SNAP25: variants seen among roughly 807,000 people sequenced by gnomAD.
SNAP25 encodes synaptosome associated protein 25.
Under a neutral mutation model 28.7 loss-of-function variants are expected in SNAP25, and 3 were observed. The observed-to-expected ratio is 0.10, with a 90% CI of 0.05 to 0.27. The LOEUF (loss-of-function observed/expected upper bound fraction) is 0.27, where lower values mean the gene tolerates loss of function less well. Ranked by LOEUF, SNAP25 falls within the 10% of genes least tolerant of loss-of-function variation. SNAP25 has a pLI of 1.00. For missense variants in SNAP25, 117 were observed against 278.7 expected, an observed-to-expected ratio of 0.42 and a Z score of 4.13; for synonymous variants, 61 against 88.1, an observed-to-expected ratio of 0.69 and a Z score of 1.72.
At chr20:10,242,288 G>T (rs2063048748) in intron 1 of SNAP25, among the ~76,000 whole-genome samples, 1 of 152,218 alleles carries the variant, frequency 6.6e-6, no homozygotes, top group African/African-American at 2.4e-5. Flanking sequence ...TCCCAGAGGA[G>T]CCCTGGAGTG....
intron 1 of SNAP25, among the ~76,000 whole-genome samples, chr20:10,238,738 C>T (rs1395426313): frequency 6.6e-6 from 1 of 151,978 alleles, no homozygotes; most frequent in Non-Finnish European, 1.5e-5. Context: ...AGTGAAACTC[C>T]GTCTCTACTA....
intron 6 of SNAP25, among the ~76,000 whole-genome samples, 156 bp downstream of exon 6, chr20:10,297,206 G>A (rs1479151310): frequency 2.6e-5 from 4 of 152,132 alleles, no homozygotes; most frequent in Admixed American, 6.5e-5. Flanking sequence ...ACCTTGCCTG[G>A]GTGGGGTGAT....
At position 10,285,188 on chromosome 20, in the gene SNAP25, C is replaced by T. The variant is rs562634865; in HGVS notation, c.163+416C>T. Among the ~76,000 whole-genome samples the T allele has an allele frequency of 4.6e-5, 7 of 152,218 alleles. No individual in the cohort carries two copies. The East Asian group carries it at 7.7e-4, about 17-fold the overall frequency. On this transcript the variant is annotated intron_variant, in intron 4 of 7. Coordinates refer to ENST00000254976, the MANE Select transcript of SNAP25 (RefSeq NM_130811.4). The stretch of plus-strand genomic sequence containing the variant: ...ATATCATGTTGTCTACTTCTTTTGA[C>T]CATCCCAACTCAGTATCTAGTAGTT...
At chr20:10,299,446 G>C (rs1251708345) in intron 7 of SNAP25, 34 bp downstream of exon 7, 5 of 1,600,978 alleles carry the variant, frequency 3.1e-6, no homozygotes, top group Non-Finnish European at 3.4e-6. Context: ...TCCCTACTGC[G>C]AGTCACTTCT....
At chr20:10,222,121 A>G (rs1309571099) in intron 1 of SNAP25, among the ~76,000 whole-genome samples, 1 of 152,284 alleles carries the variant, frequency 6.6e-6, no homozygotes, top group Non-Finnish European at 1.5e-5. Flanking sequence ...TTCACCGGAT[A>G]CAGAAATGAA....
chr20:10,290,507 G>T (rs1048183205), intron 4 of SNAP25, among the ~76,000 whole-genome samples: 7 of 152,054 alleles, frequency 4.6e-5, no homozygotes, highest in African/African-American at 1.4e-4. Context: ...GTGCCTGTTT[G>T]TTTTTCCCTT....
chr20:10,256,383 G>T (rs1350835465), intron 1 of SNAP25, among the ~76,000 whole-genome samples: 3 of 152,036 alleles, frequency 2.0e-5, no homozygotes, highest in Non-Finnish European at 4.4e-5. Flanking sequence ...GAAAAATATA[G>T]AATTAGGGCT....
At chr20:10,221,874 C>T (rs1255918034) in intron 1 of SNAP25, among the ~76,000 whole-genome samples, 3 of 151,862 alleles carry the variant, frequency 2.0e-5, no homozygotes, top group African/African-American at 4.8e-5. Context: ...TTAGTAGAAA[C>T]GAGAAAAATA....
chr20:10,248,519 C>T (rs529500157), intron 1 of SNAP25, among the ~76,000 whole-genome samples: 3 of 152,132 alleles, frequency 2.0e-5, no homozygotes, highest in African/African-American at 7.2e-5. Flanking sequence ...ATTTAAATAT[C>T]CAGTAATACC....
intron 1 of SNAP25, among the ~76,000 whole-genome samples, chr20:10,274,703 T>C (rs568044826): frequency 9.6e-4 from 146 of 151,910 alleles, no homozygotes; most frequent in African/African-American, 3.4e-3. Context: ...ATTAGCCAGG[T>C]GTGGTGGTAG....
chr20:10,226,906 A>G (rs2062743219), intron 1 of SNAP25, among the ~76,000 whole-genome samples: 1 of 152,082 alleles, frequency 6.6e-6, no homozygotes, highest in African/African-American at 2.4e-5. Context: ...TGTAGAGACC[A>G]CTTTCTGCCG....
In SNAP25 at chr20:10,226,659, A is replaced by C. The variant is rs914625424; in HGVS notation, c.-64+7682A>C. Among the ~76,000 whole-genome samples the C allele has an allele frequency of 2.1e-3, 315 of 152,212 alleles. 1 individual carries two copies. Among genetic ancestry groups the C allele is most frequent in the African/African-American group, 7.1e-3 (295 of 41,516 alleles). ...AAAAGAGCTATGGCTCTCTAATCAA[A>C]ATATACAATCTATTGAAGGTTTCTA... On this transcript the variant is annotated intron_variant, in intron 1 of 7. Coordinates refer to ENST00000254976, the MANE Select transcript of SNAP25 (RefSeq NM_130811.4).
At chr20:10,237,612 T>C (rs1199487073) in intron 1 of SNAP25, among the ~76,000 whole-genome samples, 1 of 152,166 alleles carries the variant, frequency 6.6e-6, no homozygotes, top group East Asian at 1.9e-4. Context: ...GTGGGTACCA[T>C]TCATTCAATA....
chr20:10,236,626 A>G (rs1213612060), intron 1 of SNAP25, among the ~76,000 whole-genome samples: 2 of 152,128 alleles, frequency 1.3e-5, no homozygotes, highest in Non-Finnish European at 2.9e-5. Flanking sequence ...CACTTTGGTA[A>G]TGGGAACACA....
intron 5 of SNAP25, among the ~76,000 whole-genome samples, chr20:10,295,291 T>C (rs147523838): frequency 6.6e-6 from 1 of 152,348 alleles, no homozygotes; most frequent in African/African-American, 2.4e-5. Flanking sequence ...TACTTCCCAC[T>C]CCTTTGACTT....
intron 3 of SNAP25, among the ~76,000 whole-genome samples, chr20:10,279,139 G>A (rs192721035): frequency 1.4e-4 from 22 of 152,284 alleles, no homozygotes; most frequent in African/African-American, 3.1e-4. Context: ...AAATACTTGA[G>A]GATGAAGAAG....
chr20:10,275,942 A>G (rs1391861251), intron 2 of SNAP25, among the ~76,000 whole-genome samples: 1 of 152,222 alleles, frequency 6.6e-6, no homozygotes, highest in Non-Finnish European at 1.5e-5. Context: ...CATTATTAAA[A>G]CTGAATTACA....
chr20:10,242,817 A>C (rs2063059109), intron 1 of SNAP25, among the ~76,000 whole-genome samples: 1 of 152,240 alleles, frequency 6.6e-6, no homozygotes, highest in South Asian at 2.1e-4. Flanking sequence ...GGAAGGTTAT[A>C]TCTAAATATC....
At chr20:10,222,442 C>T (rs1009637146) in intron 1 of SNAP25, among the ~76,000 whole-genome samples, 1 of 152,176 alleles carries the variant, frequency 6.6e-6, no homozygotes, top group Admixed American at 6.5e-5. Flanking sequence ...GAAGTCACAA[C>T]ATATGCAGAA....
Sources: gnomAD v4.1 joint callset for allele counts (sites outside exome capture counted in the v4.1 genomes callset) on GRCh38, gnomAD v4.1.1 for gene constraint, MANE v1.5 for transcripts, NCBI Gene and HGNC (gene_info 2026-07-23, HGNC 2026-07-21) for gene names.